FSHR: variants seen among roughly 807,000 people sequenced by gnomAD.
FSHR encodes the protein follicle-stimulating hormone receptor.
FSHR carries 46 observed loss-of-function variants against 52.1 expected under a neutral mutation model. That is an observed-to-expected ratio of 0.88 (90% CI 0.70 to 1.13). The LOEUF (loss-of-function observed/expected upper bound fraction) is 1.13, where lower values mean the gene tolerates loss of function less well. Among genes scored for constraint, FSHR ranks in the 50% most tolerant of loss-of-function variants. The pLI, the probability that FSHR is intolerant of heterozygous loss-of-function variation, is 0.00. For missense variants in FSHR, 964 were observed against 834.6 expected (o/e 1.16, Z -1.91); for synonymous variants, 399 against 309.6 (o/e 1.29, Z -3.03).
In FSHR at chr2:49,137,731, G is replaced by A. The variant is rs140605508; in HGVS notation, c.152+16535C>T. ...CAATATGGTCCCAATTGTTTAGTAAGGGACAATTAAATATTCACATGCAAG... is the reference window on the plus strand; with the variant it reads ...CAATATGGTCCCAATTGTTTAGTAAAGGACAATTAAATATTCACATGCAAG... On this transcript the variant is annotated intron_variant, in intron 1 of 9. Coordinates refer to ENST00000406846, the MANE Select transcript of FSHR (RefSeq NM_000145.4). Among the ~76,000 whole-genome samples the A allele has an allele frequency of 8.1e-4, 123 of 152,114 alleles. No individual in the cohort carries two copies. The East Asian group carries it at 0.01, about 12-fold the overall frequency.
At chr2:49,072,174 C>T (rs1425875176) in intron 1 of FSHR, among the ~76,000 whole-genome samples, 1 of 152,012 alleles carries the variant, frequency 6.6e-6, no homozygotes, top group Admixed American at 6.6e-5. Flanking sequence ...TAACTCTTCT[C>T]CCCCAATACA....
rs1442394873 is a variant in FSHR at position 48,962,926 on chromosome 2, T to C, written c.1895A>G (p.Asn632Ser). 5.0e-6 allele frequency: 8 copies of C among 1,613,876 alleles called. No individual in the cohort carries two copies. The highest frequency in any genetic ancestry group is 6.8e-6 in the Non-Finnish European group (8 of 1,179,988). Reference sequence around the variant, plus strand: ...CAGAATGAAGAAATCTCTGCGAAAGTTTTTGGTAAAGATGGCATAGAGGAA... The same window carrying C: ...CAGAATGAAGAAATCTCTGCGAAAGCTTTTGGTAAAGATGGCATAGAGGAA... ...NPFLYAIFTK[N>S]FRRDFFILLS... is the part of the protein sequence containing the mutation. The change falls in exon 10 of 10, where the codon AAC becomes AGC. Residue 632 changes from asparagine (N) to serine (S), a missense_variant. Physicochemically the swap from Asn to Ser is conservative, Grantham distance 46. Transcript: ENST00000406846.
chr2:49,010,123 C>T (rs984893585), intron 4 of FSHR, among the ~76,000 whole-genome samples: 3 of 76,950 alleles, frequency 3.9e-5, no homozygotes, highest in African/African-American at 9.9e-5. Flanking sequence ...AAAGGGAATG[C>T]TTCCAGTTTT....
At chr2:49,045,614 T>G (rs1396786325) in intron 2 of FSHR, among the ~76,000 whole-genome samples, 1 of 152,156 alleles carries the variant, frequency 6.6e-6, no homozygotes, top group Admixed American at 6.6e-5. Context: ...AAATTTTCTT[T>G]AAAAAAATGT....
chr2:49,077,624 G>T (rs897539984), intron 1 of FSHR, among the ~76,000 whole-genome samples: 1 of 152,124 alleles, frequency 6.6e-6, no homozygotes, highest in African/African-American at 2.4e-5. Context: ...CTATTGCATT[G>T]TCAGGCTGCA....
chr2:49,136,872 A>G (rs933202811), intron 1 of FSHR, among the ~76,000 whole-genome samples: 1 of 152,108 alleles, frequency 6.6e-6, no homozygotes, highest in African/African-American at 2.4e-5. Context: ...CAGTCTGATA[A>G]AAAGTCATCA....
chr2:48,979,679 C>G (rs1258012374), intron 8 of FSHR, among the ~76,000 whole-genome samples: 1 of 152,194 alleles, frequency 6.6e-6, no homozygotes, highest in Non-Finnish European at 1.5e-5. Context: ...CTCCAGATCT[C>G]CCCATGGGAT....
intron 8 of FSHR, among the ~76,000 whole-genome samples, chr2:48,972,717 A>T (rs1198328575): frequency 5.9e-5 from 9 of 152,132 alleles, no homozygotes; most frequent in Non-Finnish European, 1.5e-5. Context: ...CCAAGAAATG[A>T]GATTAAAAAA....
chr2:49,002,104 C>A (rs529534383), intron 4 of FSHR, among the ~76,000 whole-genome samples: 4 of 152,188 alleles, frequency 2.6e-5, no homozygotes, highest in Non-Finnish European at 5.9e-5. Context: ...AGCTTCTGGT[C>A]TGTAAAATGG....
chr2:49,110,242 G>A (rs1671376079), intron 1 of FSHR, among the ~76,000 whole-genome samples: 1 of 152,128 alleles, frequency 6.6e-6, no homozygotes, highest in Non-Finnish European at 1.5e-5. Flanking sequence ...ATTCCATGAA[G>A]TAGGAACAAT....
chr2:48,983,127 A>G lies in FSHR; in HGVS notation c.564T>C (p.Cys188=), dbSNP rs902688892. 1 of 1,614,144 alleles carries G rather than the reference A, an allele frequency of 6.2e-7. No individual in the cohort carries two copies. The change falls in exon 7 of 10, where the codon TGT becomes TGC. Residue 188 remains cysteine (C), a synonymous_variant. Transcript: ENST00000406846. ...CATCTAGTTGGGTTCCATTGAATGC[A>G]CAGTTGTGTATTTCTTGAATCCCAT... The part of the protein sequence containing the change: ...NKNGIQEIHN[C]AFNGTQLDEL...
chr2:49,023,926 T>C (rs1336218106), intron 2 of FSHR, among the ~76,000 whole-genome samples: 1 of 152,082 alleles, frequency 6.6e-6, no homozygotes, highest in Non-Finnish European at 1.5e-5. Flanking sequence ...AATATACAAG[T>C]ACATTTGATG....
At chr2:49,018,928 A>C (rs546109820) in intron 3 of FSHR, among the ~76,000 whole-genome samples, 2 of 152,286 alleles carry the variant, frequency 1.3e-5, no homozygotes, top group East Asian at 3.9e-4. Context: ...ATCCTTGTTA[A>C]AAAGATACAA....
chr2:49,140,838 G>C lies in FSHR; in HGVS notation c.152+13428C>G, dbSNP rs1417882462. 2.0e-5 allele frequency among the ~76,000 whole-genome samples: 3 copies of C among 152,130 alleles called. No homozygotes were observed. The East Asian group carries it at 5.8e-4, about 29-fold the overall frequency. On this transcript the variant is annotated intron_variant, in intron 1 of 9. Coordinates refer to ENST00000406846, the MANE Select transcript of FSHR (RefSeq NM_000145.4). Reference sequence around the variant, plus strand: ...GGGATTTTTAAAATACTATCATCAAGGTTCATCTAATTCAGTGAGGAGCAT... The same window carrying C: ...GGGATTTTTAAAATACTATCATCAACGTTCATCTAATTCAGTGAGGAGCAT...
intron 4 of FSHR, among the ~76,000 whole-genome samples, chr2:49,010,470 G>T (rs984923255): frequency 1.3e-5 from 2 of 152,166 alleles, no homozygotes; most frequent in South Asian, 2.1e-4. Flanking sequence ...GTTCATCAGG[G>T]ATATTGGTCT....
intron 1 of FSHR, among the ~76,000 whole-genome samples, chr2:49,152,453 G>C (rs1673097041): frequency 6.6e-6 from 1 of 151,960 alleles, no homozygotes; most frequent in African/African-American, 2.4e-5. Flanking sequence ...TATACTCCCT[G>C]AAGCTTTAGG....
chr2:49,079,179 C>T (rs12622922), intron 1 of FSHR, among the ~76,000 whole-genome samples: 28,281 of 151,738 alleles, frequency 0.19, 2,681 homozygotes, highest in East Asian at 0.25. Flanking sequence ...AAGAAAAAAA[C>T]AGGCTCCAGG....
At chr2:48,967,634 CT>C (rs746649081) in intron 9 of FSHR, among the ~76,000 whole-genome samples, 4 of 152,194 alleles carry the variant, frequency 2.6e-5, no homozygotes, top group Non-Finnish European at 4.4e-5. Flanking sequence ...CATGCAGATT[CT>C]GAAAAACAGC....
intron 1 of FSHR, among the ~76,000 whole-genome samples, chr2:49,076,314 A>C (rs1181713437): frequency 6.6e-6 from 1 of 152,224 alleles, no homozygotes; most frequent in African/African-American, 2.4e-5. Context: ...GGCGAGGAGC[A>C]AGTCATGTTC....
Sources: gnomAD v4.1 joint callset for allele counts (sites outside exome capture counted in the v4.1 genomes callset) on GRCh38, gnomAD v4.1.1 for gene constraint, MANE v1.5 for transcripts, NCBI Gene and HGNC (gene_info 2026-07-23, HGNC 2026-07-21) for gene names.